PDE4B: variants seen among roughly 807,000 people sequenced by gnomAD.
PDE4B encodes phosphodiesterase 4B.
Under a neutral mutation model 82.2 loss-of-function variants are expected in PDE4B, and 20 were observed. The observed-to-expected ratio is 0.24, with a 90% CI of 0.17 to 0.35. The LOEUF (loss-of-function observed/expected upper bound fraction) is 0.35. PDE4B is among the 10% of genes least tolerant of loss of function. The pLI, the probability that PDE4B is intolerant of heterozygous loss-of-function variation, is 1.00. For missense variants in PDE4B, 655 were observed against 907.2 expected, an observed-to-expected ratio of 0.72 and a Z score of 3.57; for synonymous variants, 320 against 318.9, an observed-to-expected ratio of 1.00 and a Z score of -0.04.
chr1:66,353,788 A>G (rs1662017164), intron 8 of PDE4B, among the ~76,000 whole-genome samples: 1 of 152,200 alleles, frequency 6.6e-6, no homozygotes, highest in Admixed American at 6.5e-5. Context: ...TAAAATAAAA[A>G]TTAATTTAAA....
intron 8 of PDE4B, among the ~76,000 whole-genome samples, chr1:66,338,759 C>G (rs1332581920): frequency 6.6e-6 from 1 of 152,164 alleles, no homozygotes; most frequent in Non-Finnish European, 1.5e-5. Flanking sequence ...TGGCTCACGC[C>G]TGTAATCCCA....
chr1:65,881,422 T>C (rs954900521), intron 1 of PDE4B, among the ~76,000 whole-genome samples: 3 of 152,160 alleles, frequency 2.0e-5, no homozygotes, highest in African/African-American at 7.2e-5. Flanking sequence ...CACCAAAACC[T>C]AGCATCTCCG....
intron 3 of PDE4B, among the ~76,000 whole-genome samples, chr1:66,196,839 T>A (rs1255128382): frequency 6.7e-6 from 1 of 149,398 alleles, no homozygotes. Context: ...GGGATAGCAT[T>A]GGGAGATATA....
At chr1:66,369,596 T>A (rs944431040) in intron 16 of PDE4B, among the ~76,000 whole-genome samples, 1 of 152,182 alleles carries the variant, frequency 6.6e-6, no homozygotes, top group Non-Finnish European at 1.5e-5. Flanking sequence ...TATGCAGCAA[T>A]GGAAAGTATC....
intron 1 of PDE4B, among the ~76,000 whole-genome samples, chr1:65,891,054 G>A (rs1249841474): frequency 6.6e-6 from 1 of 152,058 alleles, no homozygotes; most frequent in Non-Finnish European, 1.5e-5. Flanking sequence ...AGATGAAAAT[G>A]GGAAAATTGA....
At chr1:65,878,102 A>G (rs1646667745) in intron 1 of PDE4B, among the ~76,000 whole-genome samples, 1 of 152,232 alleles carries the variant, frequency 6.6e-6, no homozygotes, top group Admixed American at 6.5e-5. Flanking sequence ...TCAAAAGAAG[A>G]CATTTATGCA....
At chr1:66,107,312 A>T (rs1413117120) in intron 3 of PDE4B, among the ~76,000 whole-genome samples, 1 of 152,002 alleles carries the variant, frequency 6.6e-6, no homozygotes, top group Non-Finnish European at 1.5e-5. Flanking sequence ...ACAGTTTGTT[A>T]TAATTTCTGA....
intron 7 of PDE4B, 144 bp downstream of exon 7, chr1:66,266,231 G>C: frequency 2.9e-6 from 2 of 689,612 alleles, no homozygotes; most frequent in South Asian, 3.2e-5. Context: ...TTTTTCTAAG[G>C]TACACTGGAG....
intron 3 of PDE4B, among the ~76,000 whole-genome samples, chr1:66,098,953 C>T (rs1174747145): frequency 6.6e-6 from 1 of 152,132 alleles, no homozygotes; most frequent in Non-Finnish European, 1.5e-5. Flanking sequence ...CCATCACTTC[C>T]TACTACTAAA....
chr1:65,996,809 T>TGAATATAG (rs1370634572), intron 3 of PDE4B, among the ~76,000 whole-genome samples: 14 of 152,226 alleles, frequency 9.2e-5, no homozygotes, highest in African/African-American at 3.4e-4. Context: ...AAAATATAGA[T>TGAATATAG]ATGAAACATG....
At chr1:66,317,244 G>A (rs1031958040) in intron 7 of PDE4B, among the ~76,000 whole-genome samples, 8 of 152,058 alleles carry the variant, frequency 5.3e-5, no homozygotes, top group Admixed American at 5.2e-4. Flanking sequence ...ACATCCAGGG[G>A]TTCTTACTGA....
chr1:65,924,378 A>G (rs1647389915), intron 3 of PDE4B, among the ~76,000 whole-genome samples: 1 of 150,540 alleles, frequency 6.6e-6, no homozygotes, highest in African/African-American at 2.4e-5. Flanking sequence ...CCGGCCGCTA[A>G]TTTTTTTTTC....
At chr1:66,333,776 G>A (rs757166866) in intron 8 of PDE4B, among the ~76,000 whole-genome samples, 2 of 152,154 alleles carry the variant, frequency 1.3e-5, no homozygotes, top group African/African-American at 2.4e-5. Context: ...CCTGAAGGAG[G>A]GGAGGGGGGA....
At chr1:65,824,580 CT>C (rs1035980220) in intron 1 of PDE4B, among the ~76,000 whole-genome samples, 5 of 150,388 alleles carry the variant, frequency 3.3e-5, no homozygotes, top group African/African-American at 1.2e-4. Context: ...TAAATTACCC[CT>C]AAAGTAATTT....
intron 8 of PDE4B, among the ~76,000 whole-genome samples, chr1:66,338,232 G>T (rs143478726): frequency 2.6e-5 from 4 of 152,280 alleles, no homozygotes; most frequent in African/African-American, 9.6e-5. Context: ...ATAGAGCCAG[G>T]ATTCATATCC....
intron 8 of PDE4B, among the ~76,000 whole-genome samples, chr1:66,338,544 C>G (rs1219228990): frequency 1.3e-5 from 2 of 152,104 alleles, no homozygotes; most frequent in African/African-American, 4.8e-5. Flanking sequence ...CATAAAAATG[C>G]AAATAATAGT....
chr1:65,845,867 ACTC>A (rs1359213827), intron 1 of PDE4B, among the ~76,000 whole-genome samples: 1 of 151,922 alleles, frequency 6.6e-6, no homozygotes, highest in African/African-American at 2.4e-5. Context: ...AACCATGAGA[ACTC>A]CTCCAACTTT....
At chr1:66,159,682 C>G (rs1375894796) in intron 3 of PDE4B, among the ~76,000 whole-genome samples, 1 of 152,144 alleles carries the variant, frequency 6.6e-6, no homozygotes, top group Non-Finnish European at 1.5e-5. Flanking sequence ...TGCCTCAAAT[C>G]CTCGCATACT....
intron 3 of PDE4B, among the ~76,000 whole-genome samples, chr1:66,080,890 C>T (rs773670621): frequency 8.6e-5 from 13 of 151,954 alleles, no homozygotes; most frequent in Non-Finnish European, 1.9e-4. Flanking sequence ...GTTTTTCAGC[C>T]CTTGCTCCTA....
Sources: gnomAD v4.1 joint callset for allele counts (sites outside exome capture counted in the v4.1 genomes callset) on GRCh38, gnomAD v4.1.1 for gene constraint, MANE v1.5 for transcripts, NCBI Gene and HGNC (gene_info 2026-07-23, HGNC 2026-07-21) for gene names.